PPTC7: variants seen among roughly 807,000 people sequenced by gnomAD.
PPTC7 encodes the protein protein phosphatase targeting COQ7, also known as protein phosphatase PTC7 homolog.
In PPTC7, 6 loss-of-function variants were observed where a neutral mutation model predicts 30.8. The observed-to-expected ratio is 0.19, with a 90% CI of 0.11 to 0.38. PPTC7 has a LOEUF of 0.38. Among genes scored for constraint, PPTC7 ranks in the 10% least tolerant of loss-of-function variants. PPTC7 has a pLI of 1.00. For synonymous variants in PPTC7, 163 were observed against 168.1 expected (o/e 0.97, Z 0.23); for missense variants, 218 against 404.8 (o/e 0.54, Z 3.96).
intron 1 of PPTC7, 131 bp from the exon 2 acceptor site, chr12:110,552,099 A>G: frequency 1.4e-6 from 1 of 694,360 alleles, no homozygotes; most frequent in Non-Finnish European, 2.4e-6. Context: ...ATTCAGAATA[A>G]AAAGCACTCA....
At position 110,551,904 on chromosome 12, in the gene PPTC7, A is replaced by C. The variant is rs2064352323; in HGVS notation, c.288T>G (p.Thr96=). The C allele has an allele frequency of 6.2e-7, 1 of 1,614,058 alleles. No individual in the cohort carries two copies. Among genetic ancestry groups the C allele is most frequent in the Non-Finnish European group, 8.5e-7 (1 of 1,180,018 alleles). The change falls in exon 2 of 6, where the codon ACT becomes ACG. Residue 96 remains threonine (T), a synonymous_variant. Coordinates refer to ENST00000354300, the MANE Select transcript of PPTC7 (RefSeq NM_139283.2). ...YGVDPSQFSG[T]LMRTCERLVK... ...CTAAACGTTCACACGTCCGCATTAAAGTCCCTGAGAATTGAGATGGATCAA... is the reference window on the plus strand; with the variant it reads ...CTAAACGTTCACACGTCCGCATTAACGTCCCTGAGAATTGAGATGGATCAA...
At chr12:110,551,600 G>A (rs2064350074) in intron 2 of PPTC7, among the ~76,000 whole-genome samples, 189 bp downstream of exon 2, 2 of 152,182 alleles carry the variant, frequency 1.3e-5, no homozygotes, top group South Asian at 2.1e-4. Context: ...GCCCACCTCA[G>A]CCTCCCAAAG....
At chr12:110,563,061 G>C (rs576174230) in intron 1 of PPTC7, among the ~76,000 whole-genome samples, 26 of 126,664 alleles carry the variant, frequency 2.1e-4, no homozygotes, top group Non-Finnish European at 3.5e-4. Flanking sequence ...AGAGATTGCA[G>C]TAAGCAAAGA....
chr12:110,576,639 C>A (rs1311365655), intron 1 of PPTC7, among the ~76,000 whole-genome samples: 1 of 152,034 alleles, frequency 6.6e-6, no homozygotes, highest in Non-Finnish European at 1.5e-5. Flanking sequence ...ATTACACGAT[C>A]CATTTGTATG....
At chr12:110,563,291 G>A (rs1593158761) in intron 1 of PPTC7, among the ~76,000 whole-genome samples, 1 of 152,148 alleles carries the variant, frequency 6.6e-6, no homozygotes, top group South Asian at 2.1e-4. Context: ...GAAGCTCAAA[G>A]GATGGACTGA....
intron 1 of PPTC7, 68 bp downstream of exon 1, chr12:110,582,741 G>A: frequency 1.5e-6 from 2 of 1,321,092 alleles, no homozygotes; most frequent in East Asian, 5.4e-5. Flanking sequence ...AACTGGGGAA[G>A]CCCCGCGCGG....
intron 3 of PPTC7, among the ~76,000 whole-genome samples, chr12:110,542,620 G>T (rs557834336): frequency 7.1e-6 from 1 of 141,792 alleles, no homozygotes; most frequent in Non-Finnish European, 1.5e-5. Flanking sequence ...GCAGTGAGCC[G>T]AGATTGCGCC....
At position 110,535,599 on chromosome 12, in the gene PPTC7, G is replaced by A. The variant is rs1295319493; in HGVS notation, c.*1438C>T. On this transcript the variant is annotated 3_prime_UTR_variant, in exon 6 of 6. Coordinates refer to ENST00000354300, the MANE Select transcript of PPTC7 (RefSeq NM_139283.2). ...AGAGAAAGACTTTCTATATTCTCAA[G>A]TAGATTCTCATCAGGTTTAATTGCA... is the stretch of plus-strand genomic sequence containing the variant. 2 of 152,550 alleles carry A rather than the reference G, an allele frequency of 1.3e-5. No individual in the cohort carries two copies. The highest frequency in any genetic ancestry group is 2.9e-5 in the Non-Finnish European group (2 of 68,038). 9.4% of individuals were successfully genotyped at this position (152,550 alleles called of 1,614,324 possible). A position where few individuals can be genotyped will look rare whatever the true frequency, so the allele number is the denominator to read the frequency against.
intron 1 of PPTC7, among the ~76,000 whole-genome samples, chr12:110,580,390 G>C (rs1479876995): frequency 1.3e-5 from 2 of 152,200 alleles, no homozygotes; most frequent in South Asian, 4.1e-4. Flanking sequence ...CCAGGCTGGA[G>C]TGCAGTGGTG....
rs1409663729 is a variant in PPTC7, at chr12:110,536,070, G to A, written c.*967C>T. The stretch of plus-strand genomic sequence containing the variant: ...AAGGCTACTAATAAAAGGTCTGAGA[G>A]TACGAGTATGGGTAGGTAGCATGAC... On this transcript the variant is annotated 3_prime_UTR_variant, in exon 6 of 6. Coordinates refer to ENST00000354300, the MANE Select transcript of PPTC7 (RefSeq NM_139283.2). The A allele has an allele frequency of 2.6e-5, 4 of 152,268 alleles. No individual in the cohort carries two copies. Among genetic ancestry groups the A allele is most frequent in the Admixed American group, 6.5e-5 (1 of 15,278 alleles). 9.4% of individuals were successfully genotyped at this position (152,268 alleles called of 1,614,324 possible).
intron 1 of PPTC7, among the ~76,000 whole-genome samples, chr12:110,568,897 C>T (rs540392010): frequency 6.6e-6 from 1 of 152,332 alleles, no homozygotes; most frequent in East Asian, 1.9e-4. Context: ...AGCCTGTAGT[C>T]TCAACTACTT....
At chr12:110,557,518 A>G (rs910058411) in intron 1 of PPTC7, among the ~76,000 whole-genome samples, 4 of 152,144 alleles carry the variant, frequency 2.6e-5, no homozygotes, top group African/African-American at 9.6e-5. Context: ...GGCTCAAGCA[A>G]TCTCACACCT....
chr12:110,552,636 G>A (rs943658004), intron 1 of PPTC7, among the ~76,000 whole-genome samples: 4 of 152,198 alleles, frequency 2.6e-5, no homozygotes, highest in East Asian at 1.9e-4. Context: ...AGGCCGAGGC[G>A]GGCGGATCAC....
At chr12:110,540,311 C>G (rs986315633) in intron 3 of PPTC7, among the ~76,000 whole-genome samples, 1 of 119,574 alleles carries the variant, frequency 8.4e-6, no homozygotes, top group Non-Finnish European at 1.7e-5. Context: ...CGAATTCCAT[C>G]CCCCCCCGCC....
intron 1 of PPTC7, among the ~76,000 whole-genome samples, chr12:110,573,569 C>T (rs1197400205): frequency 6.6e-6 from 1 of 152,134 alleles, no homozygotes; most frequent in East Asian, 1.9e-4. Flanking sequence ...TACACAAAGG[C>T]TAGAGGGAAC....
chr12:110,538,603 T>G (rs1473463193), intron 4 of PPTC7, among the ~76,000 whole-genome samples: 1 of 152,208 alleles, frequency 6.6e-6, no homozygotes, highest in Non-Finnish European at 1.5e-5. Flanking sequence ...CTTCCTTGCT[T>G]AGGAACACAG....
At chr12:110,538,604 A>C (rs3825390) in intron 4 of PPTC7, among the ~76,000 whole-genome samples, 31,188 of 152,168 alleles carry the variant, frequency 0.2, 4,427 homozygotes, top group African/African-American at 0.41. Flanking sequence ...TTCCTTGCTT[A>C]GGAACACAGC....
intron 1 of PPTC7, among the ~76,000 whole-genome samples, chr12:110,580,271 TG>T (rs2064625788): frequency 6.6e-6 from 1 of 152,206 alleles, no homozygotes; most frequent in African/African-American, 2.4e-5. Context: ...TTTTTTAGAA[TG>T]GGTTTGACCA....
chr12:110,566,475 G>A (rs1178285198), intron 1 of PPTC7, among the ~76,000 whole-genome samples: 3 of 152,230 alleles, frequency 2.0e-5, no homozygotes, highest in Non-Finnish European at 2.9e-5. Context: ...CTGAGCTTCA[G>A]TAGCTTCACC....
Sources: allele counts gnomAD v4.1 joint callset (sites outside exome capture counted in the v4.1 genomes callset), GRCh38; gene constraint gnomAD v4.1.1; transcripts MANE v1.5; gene names NCBI Gene and HGNC (gene_info 2026-07-23, HGNC 2026-07-21).